Variants in FBXO22 observed in about 807,000 individuals in gnomAD.
FBXO22 encodes F-box only protein 22.
A neutral mutation model predicts 37.2 loss-of-function variants in FBXO22; 13 were observed. The observed-to-expected ratio is 0.35, with a 90% CI of 0.23 to 0.56. The LOEUF (loss-of-function observed/expected upper bound fraction) is 0.56. FBXO22 is among the 20% of genes least tolerant of loss of function. FBXO22 has a pLI of 0.87. For missense variants in FBXO22, 446 were observed against 509.9 expected (o/e 0.87, Z 1.21); for synonymous variants, 189 against 189.1 (o/e 1.00, Z 0.00).
At position 75,933,027 on chromosome 15, in the gene FBXO22, T is replaced by C. The variant is rs1292438170; in HGVS notation, c.1137T>C (p.Asn379=). Residue 379 remains asparagine, a synonymous_variant, in exon 7 of 7, where the codon AAT becomes AAC. Coordinates refer to ENST00000308275, the MANE Select transcript of FBXO22 (RefSeq NM_147188.3). The part of the protein sequence containing the change: ...VTGNFILRKC[N]EVKDDDLFHS... ...GGAACTTTATATTGAGGAAATGTAA[T>C]GAGGTAAAAGATGATGATCTGTTTC... 1 of 1,614,052 alleles carries C rather than the reference T, an allele frequency of 6.2e-7. No individual in the cohort carries two copies. The highest frequency in any genetic ancestry group is 2.2e-5 in the East Asian group (1 of 44,908).
intron 5 of FBXO22, among the ~76,000 whole-genome samples, chr15:75,927,998 A>G (rs2029878960): frequency 6.6e-6 from 1 of 152,220 alleles, no homozygotes; most frequent in African/African-American, 2.4e-5. Flanking sequence ...ATCATAGGAA[A>G]AAAAGCTCCA....
In FBXO22 at chr15:75,917,285, T is replaced by A; in HGVS notation, c.519T>A (p.Ser173=). Residue 173 remains serine, a synonymous_variant, in exon 5 of 7, where the codon TCT becomes TCA. Transcript: ENST00000308275. ...NRPQEIEIGE[S]GFALLFPQIE... Reference sequence around the variant, plus strand: ...CTCAGGAAATAGAAATTGGAGAATCTGGTTTTGCTTTATTATTCCCTCAAA... The same window carrying A: ...CTCAGGAAATAGAAATTGGAGAATCAGGTTTTGCTTTATTATTCCCTCAAA... 1 of 1,612,702 alleles carries A rather than the reference T, an allele frequency of 6.2e-7. No individual in the cohort carries two copies. Among genetic ancestry groups the A allele is most frequent in the South Asian group, 1.1e-5 (1 of 90,916 alleles).
At chr15:75,926,791 T>A (rs1900451955) in intron 5 of FBXO22, among the ~76,000 whole-genome samples, 1 of 151,972 alleles carries the variant, frequency 6.6e-6, no homozygotes, top group Non-Finnish European at 1.5e-5. Flanking sequence ...CTTTAGTTAG[T>A]ACTCAGTAAA....
intron 5 of FBXO22, among the ~76,000 whole-genome samples, chr15:75,922,590 A>C (rs1900351248): frequency 6.6e-6 from 1 of 152,224 alleles, no homozygotes; most frequent in Non-Finnish European, 1.5e-5. Flanking sequence ...GGTTATGTGC[A>C]GGGAAGTCAT....
intron 5 of FBXO22, among the ~76,000 whole-genome samples, chr15:75,929,322 A>T (rs1166436974): frequency 2.0e-5 from 3 of 150,444 alleles, no homozygotes; most frequent in African/African-American, 7.4e-5. Flanking sequence ...AAAAAAAAAA[A>T]TTTTTTTTAA....
Position 75,903,993 on chromosome 15 carries a change from C to A in FBXO22, c.30C>A (p.Cys10Ter). ...AGCCGGTAGGCTGCTGCGGCGAGTG[C>A]CGCGGCTCCTCCGTAGACCCGCGGA... MEPVGCCGE[C>*]RGSSVDPRST... The change falls in exon 1 of 7, where the codon TGC (cysteine) becomes TGA (stop). Residue 10 changes from cysteine to a stop codon, truncating the protein, a stop_gained. Coordinates refer to ENST00000308275, the MANE Select transcript of FBXO22 (RefSeq NM_147188.3). LOFTEE classifies it high-confidence loss of function. 1 of 1,578,444 alleles carries A rather than the reference C, an allele frequency of 6.3e-7. No individual in the cohort carries two copies. Among genetic ancestry groups the A allele is most frequent in the Non-Finnish European group, 8.6e-7 (1 of 1,161,652 alleles).
In FBXO22 at chr15:75,932,848, A is replaced by T. The variant is rs766497168; in HGVS notation, c.958A>T (p.Ile320Phe). Residue 320 changes from isoleucine to phenylalanine, a missense_variant, in exon 7 of 7, where the codon ATT becomes TTT. Around this residue, in one of 2 missense-constraint regions of FBXO22, gnomAD observed 315 missense variants for 410.1 expected, o/e 0.77. Transcript: ENST00000308275. Reference protein sequence around the residue: ...KAANIPEHNTIGFMFACVGRG... With the variant: ...KAANIPEHNTFGFMFACVGRG... ...GGCCAACATTCCAGAGCATAACACCATTGGCTTCATGTTTGCATGCGTTGG... is the reference window on the plus strand; with the variant it reads ...GGCCAACATTCCAGAGCATAACACCTTTGGCTTCATGTTTGCATGCGTTGG... The T allele has an allele frequency of 3.1e-6, 5 of 1,614,214 alleles. No homozygotes were observed. The East Asian group carries it at 8.9e-5, about 29-fold the overall frequency.
intron 5 of FBXO22, among the ~76,000 whole-genome samples, chr15:75,924,111 GA>G (rs1900389501): frequency 6.6e-6 from 1 of 152,190 alleles, no homozygotes; most frequent in South Asian, 2.1e-4. Context: ...TAGACAGTTG[GA>G]TATGTTGGCC....
Position 75,933,756 on chromosome 15 carries a change from C to G in FBXO22, c.*654C>G, listed in dbSNP as rs1419986763. The G allele has an allele frequency of 1.6e-5, 5 of 314,070 alleles. No homozygotes were observed. The highest frequency in any genetic ancestry group is 3.1e-5 in the Non-Finnish European group (5 of 162,652). The allele number at this position is 314,070 out of a possible 1,614,324, so 19.5% of individuals were successfully genotyped here. On this transcript the variant is annotated 3_prime_UTR_variant, in exon 7 of 7. Transcript: ENST00000308275. ...TTTTCACCTAGGTCTAAATAGCTAACTAACTGGTAGACCAGAGTATTACAT... is the reference window on the plus strand; with the variant it reads ...TTTTCACCTAGGTCTAAATAGCTAAGTAACTGGTAGACCAGAGTATTACAT...
chr15:75,903,932 C>G lies in FBXO22; in HGVS notation c.-32C>G, dbSNP rs1289413384. 6.6e-7 allele frequency: 1 copy of G among 1,508,642 alleles called. No homozygotes were observed. The allele number at this position is 1,508,642 out of a possible 1,614,324, so 93.5% of individuals were successfully genotyped here. ...GGCGTAATCGGGTTCCTCCGAGCCG[C>G]CGTAGGACTGGTTCCGGCGGGCTGG... is the stretch of plus-strand genomic sequence containing the variant. On this transcript the variant is annotated 5_prime_UTR_variant, in exon 1 of 7. Coordinates refer to ENST00000308275, the MANE Select transcript of FBXO22 (RefSeq NM_147188.3).
At chr15:75,932,382 A>C (rs1472965443) in intron 6 of FBXO22, among the ~76,000 whole-genome samples, 1 of 152,228 alleles carries the variant, frequency 6.6e-6, no homozygotes, top group Non-Finnish European at 1.5e-5. Flanking sequence ...AGGAAGTCAG[A>C]AAGGTAAGGA....
At chr15:75,906,341 A>G (rs571386153) in intron 2 of FBXO22, among the ~76,000 whole-genome samples, 4 of 152,268 alleles carry the variant, frequency 2.6e-5, no homozygotes, top group African/African-American at 9.6e-5. Flanking sequence ...TGCTGCTCCA[A>G]AGCCCAGTCA....
intron 6 of FBXO22, chr15:75,930,836 G>A (rs189050631): frequency 1.0e-6 from 1 of 985,316 alleles, no homozygotes; most frequent in Non-Finnish European, 1.2e-6. Flanking sequence ...TTGCATCCTA[G>A]AGTGGTGACA....
chr15:75,929,292 C>T (rs371906644), intron 5 of FBXO22, among the ~76,000 whole-genome samples: 3 of 145,402 alleles, frequency 2.1e-5, no homozygotes, highest in East Asian at 2.0e-4. Flanking sequence ...ACTAACATAG[C>T]GAGACCCCAT....
chr15:75,911,101 C>T (rs1248110344), intron 2 of FBXO22, among the ~76,000 whole-genome samples: 9 of 152,194 alleles, frequency 5.9e-5, no homozygotes, highest in Non-Finnish European at 1.3e-4. Context: ...TCTGAGCCCT[C>T]TGTTCTGTTC....
At chr15:75,904,372 G>T in intron 1 of FBXO22, 119 bp from the exon 2 acceptor site, 1 of 1,452,876 alleles carries the variant, frequency 6.9e-7, no homozygotes, top group Non-Finnish European at 9.5e-7. Flanking sequence ...TACCTACCCC[G>T]GGGACTTTGG....
At position 75,904,473 on chromosome 15, in the gene FBXO22, G is replaced by A; in HGVS notation, c.141-18G>A. On this transcript the variant is annotated intron_variant, in intron 1 of 6. Coordinates refer to ENST00000308275, the MANE Select transcript of FBXO22 (RefSeq NM_147188.3). ...AATGAACGTCCGTTCGCAATCCTTT[G>A]TGCGTTTGCGTCCTCAGCGTGTGCC... is the stretch of plus-strand genomic sequence containing the variant. 1 of 1,613,790 alleles carries A rather than the reference G, an allele frequency of 6.2e-7. No individual in the cohort carries two copies. Among genetic ancestry groups the A allele is most frequent in the Non-Finnish European group, 8.5e-7 (1 of 1,179,840 alleles).
intron 6 of FBXO22, chr15:75,930,321 C>T (rs763614594): frequency 1.5e-6 from 2 of 1,356,546 alleles, no homozygotes; most frequent in Non-Finnish European, 1.9e-6. Context: ...TTTCCTTTGA[C>T]AGATGTGGTA....
At chr15:75,923,498 A>G (rs935653657) in intron 5 of FBXO22, among the ~76,000 whole-genome samples, 2 of 152,170 alleles carry the variant, frequency 1.3e-5, no homozygotes, top group African/African-American at 4.8e-5. Context: ...TTCCATATCC[A>G]TGGGTTCTGC....
Sources: allele counts gnomAD v4.1 joint callset (sites outside exome capture counted in the v4.1 genomes callset), GRCh38; gene constraint gnomAD v4.1.1; regional missense constraint gnomAD v4.1.1; transcripts MANE v1.5; gene names NCBI Gene and HGNC (gene_info 2026-07-23, HGNC 2026-07-21).